The following BBS9 variants were observed in gnomAD, a reference collection of about 807,000 sequenced individuals.
BBS9 encodes the protein protein PTHB1.
BBS9 carries 89 observed loss-of-function variants against 117.7 expected under a neutral mutation model. The observed-to-expected ratio is 0.76, with a 90% CI of 0.64 to 0.90. BBS9 has a LOEUF of 0.90. Among genes scored for constraint, BBS9 ranks in the 40% least tolerant of loss-of-function variants. BBS9 has a pLI of 0.00. For missense variants in BBS9, 982 were observed against 1,042.2 expected (o/e 0.94, Z 0.80); for synonymous variants, 379 against 370.9 (o/e 1.02, Z -0.25).
At chr7:33,590,738 GC>G (rs1271956713) in intron 21 of BBS9, among the ~76,000 whole-genome samples, 2 of 151,592 alleles carry the variant, frequency 1.3e-5, no homozygotes, top group Non-Finnish European at 2.9e-5. Flanking sequence ...CATTTGAAGC[GC>G]TTTACATCCA....
At chr7:33,547,578 T>C (rs1396796656) in intron 21 of BBS9, among the ~76,000 whole-genome samples, 3 of 152,198 alleles carry the variant, frequency 2.0e-5, no homozygotes, top group Admixed American at 6.5e-5. Flanking sequence ...ACATAGGCTT[T>C]AGAGAGAAGT....
At chr7:33,416,147 C>T (rs1831978533) in intron 19 of BBS9, among the ~76,000 whole-genome samples, 1 of 151,992 alleles carries the variant, frequency 6.6e-6, no homozygotes, top group South Asian at 2.1e-4. Context: ...CATAGTGTTT[C>T]TATCAAAACA....
At chr7:33,348,834 TG>T (rs1395404743) in intron 12 of BBS9, among the ~76,000 whole-genome samples, 4 of 152,226 alleles carry the variant, frequency 2.6e-5, no homozygotes, top group African/African-American at 7.2e-5. Flanking sequence ...CATCTTTGCA[TG>T]TACATATTGC....
chr7:33,486,133 G>A (rs970083577), intron 19 of BBS9, among the ~76,000 whole-genome samples: 36 of 152,174 alleles, frequency 2.4e-4, no homozygotes, highest in African/African-American at 8.4e-4. Context: ...AAGACCCTCT[G>A]CCAGAGTTGA....
intron 21 of BBS9, among the ~76,000 whole-genome samples, chr7:33,602,563 T>C (rs1863963180): frequency 6.6e-6 from 1 of 152,100 alleles, no homozygotes; most frequent in Admixed American, 6.5e-5. Context: ...ACCCCATCTC[T>C]ACTAAAAATA....
intron 21 of BBS9, among the ~76,000 whole-genome samples, chr7:33,573,933 G>A (rs968389534): frequency 6.6e-5 from 10 of 152,082 alleles, no homozygotes; most frequent in African/African-American, 2.4e-4. Context: ...TTAGTTGCTG[G>A]CATTAGTGGT....
intron 21 of BBS9, among the ~76,000 whole-genome samples, chr7:33,567,606 G>C (rs1215357488): frequency 1.3e-5 from 2 of 152,036 alleles, no homozygotes; most frequent in African/African-American, 4.8e-5. Flanking sequence ...CATTTACTGG[G>C]TGGTTTTAAT....
At chr7:33,615,012 G>C (rs1865060651) in intron 21 of BBS9, among the ~76,000 whole-genome samples, 1 of 151,982 alleles carries the variant, frequency 6.6e-6, no homozygotes, top group Admixed American at 6.6e-5. Flanking sequence ...AAGGAGTGGA[G>C]GTGGGGAGCT....
Position 33,152,814 on chromosome 7 carries a change from G to T in BBS9, c.226G>T (p.Asp76Tyr), listed in dbSNP as rs762752188. 4 of 1,613,946 alleles carry T rather than the reference G, an allele frequency of 2.5e-6. No homozygotes were observed. The South Asian group carries it at 3.3e-5, about 13-fold the overall frequency. ...EDLLLEVDLR[D>Y]PVLQVEVGKF... is the part of the protein sequence containing the mutation. ...TTTGCTTCTAGAAGTGGATCTACGA[G>T]ATCCAGTACTTCAAGTGGAAGTAGG... Residue 76 changes from aspartate to tyrosine, a missense_variant, in exon 3 of 23, where the codon GAT becomes TAT. Coordinates refer to ENST00000242067, the MANE Select transcript of BBS9 (RefSeq NM_198428.3).
At chr7:33,537,137 A>AGT (rs1210479889) in intron 21 of BBS9, among the ~76,000 whole-genome samples, 2 of 152,168 alleles carry the variant, frequency 1.3e-5, no homozygotes, top group African/African-American at 4.8e-5. Flanking sequence ...GAAGTGAATA[A>AGT]GTGTTCAGTA....
At chr7:33,139,447 T>G (rs1021467506) in intron 1 of BBS9, among the ~76,000 whole-genome samples, 3 of 150,938 alleles carry the variant, frequency 2.0e-5, no homozygotes, top group Non-Finnish European at 2.9e-5. Flanking sequence ...GTATTCATTC[T>G]AGCAAGCTGA....
chr7:33,274,022 A>G (rs1208316196), intron 9 of BBS9, 66 bp downstream of exon 9: 3 of 1,532,328 alleles, frequency 2.0e-6, no homozygotes, highest in African/African-American at 1.4e-5. Flanking sequence ...TAGAAGTTCT[A>G]TGAAATAATG....
chr7:33,607,200 C>T (rs907801454), downstream of BBS9, among the ~76,000 whole-genome samples: 2 of 152,104 alleles, frequency 1.3e-5, no homozygotes, highest in African/African-American at 2.4e-5. Flanking sequence ...CAACTAATCT[C>T]CTAAAAGAAG....
chr7:33,562,225 T>A (rs1363053001), intron 21 of BBS9, among the ~76,000 whole-genome samples: 1 of 152,176 alleles, frequency 6.6e-6, no homozygotes, highest in Non-Finnish European at 1.5e-5. Flanking sequence ...AGGATGAAAT[T>A]GAAATGTATG....
intron 21 of BBS9, among the ~76,000 whole-genome samples, chr7:33,581,313 A>G (rs1859876391): frequency 6.6e-6 from 1 of 152,150 alleles, no homozygotes. Flanking sequence ...AGGTCACTGT[A>G]TGTCCAGAGA....
intron 9 of BBS9, among the ~76,000 whole-genome samples, chr7:33,277,325 C>G (rs1800956238): frequency 6.6e-6 from 1 of 152,106 alleles, no homozygotes; most frequent in African/African-American, 2.4e-5. Flanking sequence ...CTAAGAAGAG[C>G]CCCATATTTT....
At chr7:33,479,572 T>G (rs1231463591) in intron 19 of BBS9, among the ~76,000 whole-genome samples, 2 of 152,222 alleles carry the variant, frequency 1.3e-5, no homozygotes, top group Non-Finnish European at 2.9e-5. Context: ...GCAGTGAATA[T>G]ATGGGTAAAT....
intron 19 of BBS9, among the ~76,000 whole-genome samples, chr7:33,416,417 G>A (rs1259830295): frequency 6.6e-6 from 1 of 151,742 alleles, no homozygotes; most frequent in African/African-American, 2.4e-5. Flanking sequence ...AAGAGAAATT[G>A]TTCTTTTACC....
chr7:33,507,394 C>G (rs184052933), intron 20 of BBS9, among the ~76,000 whole-genome samples: 34 of 152,178 alleles, frequency 2.2e-4, no homozygotes, highest in African/African-American at 7.5e-4. Context: ...GTGCGTGCCA[C>G]CATGCCTAAC....
Sources: allele counts gnomAD v4.1 joint callset (sites outside exome capture counted in the v4.1 genomes callset), GRCh38; gene constraint gnomAD v4.1.1; transcripts MANE v1.5; gene names NCBI Gene and HGNC (gene_info 2026-07-23, HGNC 2026-07-21).